Variants in PDE1C observed in about 807,000 individuals in gnomAD.
PDE1C encodes the protein dual specificity calcium/calmodulin-dependent 3',5'-cyclic nucleotide phosphodiesterase 1C.
A neutral mutation model predicts 93.1 loss-of-function variants in PDE1C; 62 were observed. That is an observed-to-expected ratio of 0.67 (90% CI 0.54 to 0.82). PDE1C has a LOEUF of 0.82. Among genes scored for constraint, PDE1C ranks in the 40% least tolerant of loss-of-function variants. The probability of loss-of-function intolerance (pLI) is 0.00; values close to 1 mark genes in which losing one functional copy is unlikely to be tolerated. For synonymous variants in PDE1C, 325 were observed against 310.1 expected (o/e 1.05, Z -0.50); for missense variants, 742 against 884.6 (o/e 0.84, Z 2.04).
At chr7:32,261,077 T>C (rs1487083041) in intron 1 of PDE1C, among the ~76,000 whole-genome samples, 1 of 152,004 alleles carries the variant, frequency 6.6e-6, no homozygotes, top group South Asian at 2.1e-4. Context: ...ACCACTGCTC[T>C]CCAGCCTGGG....
chr7:31,848,726 T>C (rs1469191247), intron 8 of PDE1C, among the ~76,000 whole-genome samples: 2 of 152,150 alleles, frequency 1.3e-5, no homozygotes, highest in Non-Finnish European at 2.9e-5. Context: ...AATGAAAGCT[T>C]AGATTATTTG....
chr7:31,857,818 T>G (rs1794209383), intron 7 of PDE1C, among the ~76,000 whole-genome samples: 2 of 152,214 alleles, frequency 1.3e-5, no homozygotes, highest in South Asian at 4.1e-4. Context: ...AATTCTGTTT[T>G]TAAAAAGACT....
chr7:32,074,961 G>A (rs1012953076), upstream of PDE1C, among the ~76,000 whole-genome samples: 7 of 152,268 alleles, frequency 4.6e-5, no homozygotes, highest in African/African-American at 1.7e-4. Context: ...TAGATGTCAG[G>A]GAGCCATGGG....
chr7:31,714,411 C>G, the PDE1C span, among the ~76,000 whole-genome samples: 89 of 152,138 alleles, frequency 5.8e-4, no homozygotes, highest in African/African-American at 2.1e-3. Context: ...CTAGGAAGTT[C>G]CAAACTTTCC....
chr7:32,253,379 T>C (rs953633641), intron 1 of PDE1C, among the ~76,000 whole-genome samples: 6 of 152,206 alleles, frequency 3.9e-5, no homozygotes, highest in Admixed American at 2.0e-4. Flanking sequence ...ACAGCTGTAC[T>C]GGCCTTTACC....
chr7:31,873,452 A>T, intron 5 of PDE1C, 44 bp from the exon 6 acceptor site: 1 of 1,162,228 alleles, frequency 8.6e-7, no homozygotes, highest in Non-Finnish European at 1.3e-6. Context: ...GCCCACAGAC[A>T]CTTACACACC....
chr7:32,261,123 A>T (rs1458512842), intron 1 of PDE1C, among the ~76,000 whole-genome samples: 2 of 152,060 alleles, frequency 1.3e-5, no homozygotes, highest in African/African-American at 4.8e-5. Flanking sequence ...AAAAAAAAAG[A>T]AAAGAAACTA....
At chr7:32,071,776 G>A (rs1056593970), upstream of PDE1C, among the ~76,000 whole-genome samples, 6 of 152,134 alleles carry the variant, frequency 3.9e-5, no homozygotes, top group African/African-American at 1.4e-4. Context: ...GACAGATGAA[G>A]AGAGGAACCA....
At chr7:31,919,094 T>C (rs1259622302) in intron 2 of PDE1C, among the ~76,000 whole-genome samples, 1 of 152,248 alleles carries the variant, frequency 6.6e-6, no homozygotes, top group African/African-American at 2.4e-5. Context: ...ATCTTGCCAA[T>C]TGTTTACTAA....
At chr7:32,021,122 T>C (rs533611101) in intron 2 of PDE1C, among the ~76,000 whole-genome samples, 1 of 152,224 alleles carries the variant, frequency 6.6e-6, no homozygotes, top group East Asian at 1.9e-4. Flanking sequence ...AGAACTGGTT[T>C]GCCCCTCCTG....
intron 1 of PDE1C, among the ~76,000 whole-genome samples, chr7:32,260,696 G>A (rs374345309): frequency 3.3e-5 from 5 of 152,214 alleles, no homozygotes; most frequent in African/African-American, 4.8e-5. Context: ...GGCATAGGCC[G>A]AACTAACTTT....
At chr7:31,728,551 CT>C in the PDE1C span, among the ~76,000 whole-genome samples, 1 of 152,176 alleles carries the variant, frequency 6.6e-6, no homozygotes. Context: ...AGTTCTAGAA[CT>C]TATATTCATT....
the PDE1C span, among the ~76,000 whole-genome samples, chr7:31,627,390 G>T: frequency 6.6e-6 from 1 of 152,242 alleles, no homozygotes; most frequent in East Asian, 1.9e-4. Context: ...AGACATGGTG[G>T]CTCATGCCTA....
intron 1 of PDE1C, among the ~76,000 whole-genome samples, chr7:32,405,251 TTC>T (rs1785029461): frequency 1.7e-5 from 1 of 57,902 alleles, no homozygotes; most frequent in Non-Finnish European, 4.2e-5. Context: ...TTTTTCTTTT[TTC>T]TTTTTTTTTT....
At chr7:31,677,834 G>A in the PDE1C span, among the ~76,000 whole-genome samples, 5 of 152,126 alleles carry the variant, frequency 3.3e-5, no homozygotes, top group African/African-American at 2.4e-5. Context: ...TGAAAAGAAG[G>A]AGGTAGAATT....
chr7:32,339,129 T>C (rs1027413682), intron 1 of PDE1C, among the ~76,000 whole-genome samples: 1 of 151,962 alleles, frequency 6.6e-6, no homozygotes, highest in South Asian at 2.1e-4. Context: ...AAGGAAATTC[T>C]GACATATGCT....
At chr7:32,096,706 G>T (rs1797763410) in intron 3 of PDE1C, among the ~76,000 whole-genome samples, 2 of 152,132 alleles carry the variant, frequency 1.3e-5, no homozygotes, top group Admixed American at 6.5e-5. Context: ...CATAACCTAT[G>T]TTTTATTTAT....
intron 1 of PDE1C, among the ~76,000 whole-genome samples, chr7:32,366,542 G>T (rs943511611): frequency 6.6e-6 from 1 of 152,202 alleles, no homozygotes; most frequent in Non-Finnish European, 1.5e-5. Flanking sequence ...CCTTGGGAGA[G>T]AGATGGACAT....
chr7:32,199,039 C>T (rs1218649566), intron 2 of PDE1C, among the ~76,000 whole-genome samples: 1 of 152,016 alleles, frequency 6.6e-6, no homozygotes, highest in Non-Finnish European at 1.5e-5. Flanking sequence ...AGGAGAATGG[C>T]TTAAACCCAG....
Sources: allele counts gnomAD v4.1 joint callset (sites outside exome capture counted in the v4.1 genomes callset), GRCh38; gene constraint gnomAD v4.1.1; transcripts MANE v1.5; gene names NCBI Gene and HGNC (gene_info 2026-07-23, HGNC 2026-07-21).